The following KLHL6 variants were observed in gnomAD, a reference collection of about 807,000 sequenced individuals.
KLHL6 encodes kelch-like protein 6.
In KLHL6, 41 loss-of-function variants were observed where a neutral mutation model predicts 58.6. That is an observed-to-expected ratio of 0.70 (90% CI 0.55 to 0.91). KLHL6 has a LOEUF of 0.91. Ranked by LOEUF, KLHL6 falls within the 40% of genes least tolerant of loss-of-function variation. The probability of loss-of-function intolerance (pLI) is 0.00; values close to 1 mark genes in which losing one functional copy is unlikely to be tolerated. For missense variants in KLHL6, 714 were observed against 805.6 expected (o/e 0.89, Z 1.38); for synonymous variants, 338 against 322.7 (o/e 1.05, Z -0.51).
intron 1 of KLHL6, among the ~76,000 whole-genome samples, chr3:183,546,467 G>A (rs945511428): frequency 2.5e-4 from 38 of 152,288 alleles, no homozygotes; most frequent in African/African-American, 9.1e-4. Context: ...CTGTGCAGCT[G>A]TGGCCCCAGC....
chr3:183,528,967 A>G (rs1387425075), intron 1 of KLHL6, among the ~76,000 whole-genome samples: 3 of 152,242 alleles, frequency 2.0e-5, no homozygotes, highest in Non-Finnish European at 4.4e-5. Context: ...CTACGCAGCC[A>G]TAAAAAAGAA....
chr3:183,499,808 T>C lies in KLHL6; in HGVS notation c.929A>G (p.Lys310Arg). Reference sequence around the variant, plus strand: ...AGACTGGAACTCATGCATCCTGGGCTTGGTGCGTTCCGAAATGATCTGGAA... The same window carrying C: ...AGACTGGAACTCATGCATCCTGGGCCTGGTGCGTTCCGAAATGATCTGGAA... ...SGNEIISERT[K>R]PRMHEFQSEV... The change falls in exon 4 of 7, where the codon AAG (lysine) becomes AGG (arginine). Residue 310 changes from lysine to arginine, a missense_variant. Coordinates refer to ENST00000341319, the MANE Select transcript of KLHL6 (RefSeq NM_130446.4). The surrounding 1 kb of genome is among the most constrained non-coding windows in gnomAD (Gnocchi z 4.6). The C allele has an allele frequency of 6.3e-7, 1 of 1,590,790 alleles. No homozygotes were observed. The highest frequency in any genetic ancestry group is 8.6e-7 in the Non-Finnish European group (1 of 1,168,666).
At chr3:183,525,336 A>G (rs1031517514) in intron 2 of KLHL6, among the ~76,000 whole-genome samples, 1 of 150,986 alleles carries the variant, frequency 6.6e-6, no homozygotes, top group Non-Finnish European at 1.5e-5. Context: ...CGGGGGGGAA[A>G]ATTTAGGAAT....
intron 2 of KLHL6, chr3:183,521,682 G>T (rs1370744705): frequency 7.0e-6 from 1 of 142,424 alleles, no homozygotes. Flanking sequence ...AGGGTAAAAA[G>T]ACCTACCTGA....
Position 183,488,198 on chromosome 3 carries a change from G to A in KLHL6, c.*3729C>T, listed in dbSNP as rs748540369. On this transcript the variant is annotated 3_prime_UTR_variant, in exon 7 of 7. Transcript: ENST00000341319. ...CTGTTTCAGATCAACCTTGGCAACT[G>A]GAGTCCCTTAACCTCATCTACAGAT... is the stretch of plus-strand genomic sequence containing the variant. The A allele has an allele frequency of 6.6e-6, 1 of 152,200 alleles. No individual in the cohort carries two copies. The highest frequency in any genetic ancestry group is 1.5e-5 in the Non-Finnish European group (1 of 68,060). 9.4% of individuals were successfully genotyped at this position (152,200 alleles called of 1,614,324 possible).
chr3:183,555,295 C>G lies in KLHL6; in HGVS notation c.293+66G>C. 4.3e-6 allele frequency: 6 copies of G among 1,393,832 alleles called. No individual in the cohort carries two copies. In the Admixed American group the frequency reaches 9.4e-5, roughly 22 times the overall value. 86.3% of individuals were successfully genotyped at this position (1,393,832 alleles called of 1,614,324 possible). ...ATGGCCAACTGTTCAAGATTGGGCT[C>G]TCACACTAACACACCTCTTCCTTGC... On this transcript the variant is annotated intron_variant, in intron 1 of 6. Transcript: ENST00000341319.
At chr3:183,532,454 G>C (rs1353283674) in intron 1 of KLHL6, among the ~76,000 whole-genome samples, 1 of 152,224 alleles carries the variant, frequency 6.6e-6, no homozygotes, top group Non-Finnish European at 1.5e-5. Context: ...CTGGCAGTCT[G>C]TATCCACCCC....
At chr3:183,539,708 C>CA (rs4066041) in intron 1 of KLHL6, among the ~76,000 whole-genome samples, 3,525 of 122,990 alleles carry the variant, frequency 0.029, 131 homozygotes, top group East Asian at 0.13. Context: ...GACTCCATCT[C>CA]AAAAAAAAAA....
chr3:183,531,030 C>T (rs1364777361), intron 1 of KLHL6, among the ~76,000 whole-genome samples: 4 of 151,890 alleles, frequency 2.6e-5, no homozygotes, highest in Admixed American at 6.6e-5. Flanking sequence ...TGGGGGGTTT[C>T]GCCATGTTGG....
At chr3:183,536,420 T>G (rs1171071003) in intron 1 of KLHL6, among the ~76,000 whole-genome samples, 1 of 152,204 alleles carries the variant, frequency 6.6e-6, no homozygotes, top group Non-Finnish European at 1.5e-5. Context: ...TGAGTTTGCA[T>G]GTGCACAAGC....
intron 4 of KLHL6, among the ~76,000 whole-genome samples, chr3:183,498,105 G>C (rs1207381987): frequency 9.9e-5 from 15 of 152,046 alleles, no homozygotes; most frequent in Admixed American, 9.8e-4. Context: ...GTGGTGCCAC[G>C]TGCCTGTAAT....
chr3:183,497,439 GT>G (rs1309060147), intron 4 of KLHL6, among the ~76,000 whole-genome samples: 1 of 152,056 alleles, frequency 6.6e-6, no homozygotes, highest in Non-Finnish European at 1.5e-5. Flanking sequence ...AATAACACGT[GT>G]AGTATATGTG....
rs960264706 is a variant in KLHL6, at chr3:183,490,473, A to T, written c.*1454T>A. The T allele has an allele frequency of 1.3e-5, 2 of 151,982 alleles. No individual in the cohort carries two copies. The highest frequency in any genetic ancestry group is 4.8e-5 in the African/African-American group (2 of 41,360). 9.4% of individuals were successfully genotyped at this position (151,982 alleles called of 1,614,324 possible). ...GCTAAAGGTACAATTCTGTCTGGCAATGACAGTTCCGGTCCAAAATGGGCC... is the reference window on the plus strand; with the variant it reads ...GCTAAAGGTACAATTCTGTCTGGCATTGACAGTTCCGGTCCAAAATGGGCC... On this transcript the variant is annotated 3_prime_UTR_variant, in exon 7 of 7. Coordinates refer to ENST00000341319, the MANE Select transcript of KLHL6 (RefSeq NM_130446.4).
Position 183,494,212 on chromosome 3 carries a change from T to C in KLHL6, c.1217A>G (p.Tyr406Cys), listed in dbSNP as rs750399959. 1 of 1,614,104 alleles carries C rather than the reference T, an allele frequency of 6.2e-7. No individual in the cohort carries two copies. Among genetic ancestry groups the C allele is most frequent in the Non-Finnish European group, 8.5e-7 (1 of 1,179,946 alleles). ...SSINKWIQIE[Y>C]LNIGRWRHKM... is the part of the protein sequence containing the mutation. ...ATGCCTCCAGCGGCCTATGTTTAAA[T>C]ACTCAATCTGAATCCACTTGTTGAT... Residue 406 changes from tyrosine (Y) to cysteine (C), a missense_variant, in exon 5 of 7, where the codon TAT becomes TGT. By Grantham distance (194) the Tyr-to-Cys change is radical (BLOSUM62 -2). This residue lies in a region of KLHL6 where 510 missense variants were observed against 629.7 expected (regional missense o/e 0.81). Transcript: ENST00000341319.
rs1717469486 is a variant in KLHL6 at position 183,488,917 on chromosome 3, A to G, written c.*3010T>C. 6.6e-6 allele frequency: 1 copy of G among 152,174 alleles called. No individual in the cohort carries two copies. 9.4% of individuals were successfully genotyped at this position (152,174 alleles called of 1,614,324 possible). A position where few individuals can be genotyped will look rare whatever the true frequency, so the allele number is the denominator to read the frequency against. Reference sequence around the variant, plus strand: ...CATTATTAGGAATCCCTATTTCTTGAGTGTCAGCTACATGACATTTTCCAC... The same window carrying G: ...CATTATTAGGAATCCCTATTTCTTGGGTGTCAGCTACATGACATTTTCCAC... On this transcript the variant is annotated 3_prime_UTR_variant, in exon 7 of 7. Coordinates refer to ENST00000341319, the MANE Select transcript of KLHL6 (RefSeq NM_130446.4).
intron 1 of KLHL6, among the ~76,000 whole-genome samples, chr3:183,532,964 T>A (rs1712208703): frequency 2.0e-5 from 3 of 152,194 alleles, no homozygotes; most frequent in South Asian, 4.1e-4. Context: ...TGTGACAATG[T>A]CAAAGCCTTT....
intron 1 of KLHL6, chr3:183,544,889 T>A (rs757478686): frequency 8.5e-5 from 13 of 152,108 alleles, no homozygotes. Context: ...GGCCTAGGAT[T>A]GGGTAACTGA....
chr3:183,542,416 A>C (rs963662098), intron 1 of KLHL6, among the ~76,000 whole-genome samples: 9 of 151,560 alleles, frequency 5.9e-5, no homozygotes, highest in African/African-American at 1.9e-4. Flanking sequence ...CTACTCTTCT[A>C]CCTGTGGTTA....
rs139620202 is a variant in KLHL6 at position 183,554,121 on chromosome 3, T to C, written c.293+1240A>G. Among the ~76,000 whole-genome samples, 454 of 152,340 alleles carry C rather than the reference T, an allele frequency of 3.0e-3. 7 individuals are homozygous for C. Among genetic ancestry groups the C allele is most frequent in the African/African-American group, 1.0e-2 (415 of 41,582 alleles). On this transcript the variant is annotated intron_variant, in intron 1 of 6. Transcript: ENST00000341319. ...GGGTATTTCTTTTCAAGTTCCCAAA[T>C]ACTTTCTTCATTATCCACATTGCCC...
Sources: gnomAD v4.1 joint callset for allele counts (sites outside exome capture counted in the v4.1 genomes callset) on GRCh38, gnomAD v4.1.1 for gene constraint, gnomAD v4.1.1 regional missense constraint, Gnocchi (gnomAD v3.1) non-coding constraint, MANE v1.5 for transcripts, NCBI Gene and HGNC (gene_info 2026-07-23, HGNC 2026-07-21) for gene names.